Variants in FAM135B observed in about 807,000 individuals in gnomAD.
The protein encoded by FAM135B is protein FAM135B.
In FAM135B, 43 loss-of-function variants were observed where a neutral mutation model predicts 127.7. The observed-to-expected ratio is 0.34, with a 90% CI of 0.26 to 0.43. The LOEUF is 0.43. Among genes scored for constraint, FAM135B ranks in the 20% least tolerant of loss-of-function variants. The pLI, the probability that FAM135B is intolerant of heterozygous loss-of-function variation, is 1.00. For synonymous variants in FAM135B, 670 were observed against 665.1 expected, an observed-to-expected ratio of 1.01 and a Z score of -0.11; for missense variants, 1,558 against 1,725.6, an observed-to-expected ratio of 0.90 and a Z score of 1.72.
intron 7 of FAM135B, among the ~76,000 whole-genome samples, chr8:138,200,904 G>A (rs1817063056): frequency 6.6e-6 from 1 of 152,154 alleles, no homozygotes; most frequent in African/African-American, 2.4e-5. Context: ...TGAGTGACAT[G>A]TGCAAGGTCA....
intron 1 of FAM135B, among the ~76,000 whole-genome samples, chr8:138,465,053 G>A (rs996475809): frequency 2.6e-5 from 4 of 152,312 alleles, no homozygotes; most frequent in Non-Finnish European, 4.4e-5. Flanking sequence ...AAGAAAATTG[G>A]AGGCTGCTGT....
intron 1 of FAM135B, chr8:138,459,299 T>C (rs1255863472): frequency 6.6e-6 from 1 of 152,174 alleles, no homozygotes; most frequent in African/African-American, 2.4e-5. Context: ...GCCAAAATAC[T>C]ATGGGGGAAG....
chr8:138,413,664 G>A (rs192741402), intron 1 of FAM135B, among the ~76,000 whole-genome samples: 3 of 152,252 alleles, frequency 2.0e-5, no homozygotes, highest in South Asian at 2.1e-4. Context: ...CTTGAATGTC[G>A]TGCTGACAAT....
At chr8:138,477,505 CT>C (rs1814545277) in intron 1 of FAM135B, 1 of 152,202 alleles carries the variant, frequency 6.6e-6, no homozygotes, top group African/African-American at 2.4e-5. Context: ...TCATTATGAG[CT>C]GCTTGATCGT....
chr8:138,301,564 T>G (rs1337384300), intron 3 of FAM135B, among the ~76,000 whole-genome samples: 2 of 152,182 alleles, frequency 1.3e-5, no homozygotes, highest in African/African-American at 2.4e-5. Flanking sequence ...TCTTCAGATG[T>G]GGCTTTTCAT....
At chr8:138,153,314 T>C (rs7006618) in intron 12 of FAM135B, 98 bp from the exon 13 acceptor site, 686,169 of 999,950 alleles carry the variant, frequency 0.69, 236,642 homozygotes, top group East Asian at 0.79. Context: ...TTTAGCTATG[T>C]GGACTCGGTT....
Position 138,132,393 on chromosome 8 carries a change from T to C in FAM135B, c.*200A>G, listed in dbSNP as rs1479252199. 1 of 556,818 alleles carries C rather than the reference T, an allele frequency of 1.8e-6. No individual in the cohort carries two copies. Among genetic ancestry groups the C allele is most frequent in the Middle Eastern group, 4.8e-4 (1 of 2,080 alleles). The allele number at this position is 556,818 out of a possible 1,614,324, so 34.5% of individuals were successfully genotyped here. A position where few individuals can be genotyped will look rare whatever the true frequency, so the allele number is the denominator to read the frequency against. ...GGTAACTATACAAATTCAAGCAAAG[T>C]TTGTTGTCATTTAGTCTATTTGCTC... On this transcript the variant is annotated 3_prime_UTR_variant, in exon 20 of 20. Transcript: ENST00000395297. The surrounding 1 kb of genome is among the most constrained non-coding windows in gnomAD (Gnocchi z 4.5).
At chr8:138,256,139 T>TGCCAGCTCAGCCCAGGG (rs1554645672) in intron 5 of FAM135B, among the ~76,000 whole-genome samples, 1 of 151,720 alleles carries the variant, frequency 6.6e-6, no homozygotes. Context: ...TTAGTTGGCC[T>TGCCAGCTCAGCCCAGGG]GACAGCTCAG....
At chr8:138,481,709 T>C (rs769043129) in intron 1 of FAM135B, among the ~76,000 whole-genome samples, 2 of 152,196 alleles carry the variant, frequency 1.3e-5, no homozygotes, top group Non-Finnish European at 2.9e-5. Context: ...GCTCCTCCAC[T>C]CTATCATTTT....
At chr8:138,212,435 A>G (rs113983608) in intron 7 of FAM135B, among the ~76,000 whole-genome samples, 3 of 152,346 alleles carry the variant, frequency 2.0e-5, no homozygotes, top group African/African-American at 7.2e-5. Flanking sequence ...AGAGGGAAAA[A>G]GGAAATAAGA....
intron 2 of FAM135B, among the ~76,000 whole-genome samples, chr8:138,344,586 T>C (rs1249638169): frequency 6.7e-6 from 1 of 148,414 alleles, no homozygotes; most frequent in Non-Finnish European, 1.5e-5. Context: ...TCTTTTTTTT[T>C]TTTTTTTGTT....
chr8:138,228,978 C>T (rs1819695987), intron 7 of FAM135B, among the ~76,000 whole-genome samples: 1 of 152,126 alleles, frequency 6.6e-6, no homozygotes, highest in African/African-American at 2.4e-5. Flanking sequence ...AGCACAGCCG[C>T]TTTTGCATTG....
At chr8:138,249,256 C>T (rs1374506174) in intron 6 of FAM135B, among the ~76,000 whole-genome samples, 1 of 152,136 alleles carries the variant, frequency 6.6e-6, no homozygotes, top group East Asian at 1.9e-4. Flanking sequence ...GATGATAGTA[C>T]TCTCTGTTGC....
intron 1 of FAM135B, among the ~76,000 whole-genome samples, chr8:138,393,465 A>T (rs188898202): frequency 2.3e-4 from 35 of 151,928 alleles, no homozygotes; most frequent in Admixed American, 2.0e-3. Context: ...GAAAAAAAAA[A>T]AAAAAATTTA....
At chr8:138,316,933 C>T (rs6577915) in intron 2 of FAM135B, among the ~76,000 whole-genome samples, 148,617 of 151,446 alleles carry the variant, frequency 0.98, 72,971 homozygotes, top group East Asian at 1. Flanking sequence ...TGAGCCGTGA[C>T]CGCACCACTG....
intron 1 of FAM135B, among the ~76,000 whole-genome samples, chr8:138,394,315 A>C (rs117705187): frequency 0.014 from 2,143 of 152,246 alleles, 19 homozygotes; most frequent in South Asian, 0.032. Context: ...TCAAGTTTAC[A>C]TGTGGCAGGC....
intron 2 of FAM135B, among the ~76,000 whole-genome samples, chr8:138,340,184 T>C (rs186728063): frequency 1.4e-3 from 211 of 152,296 alleles, no homozygotes; most frequent in African/African-American, 4.4e-3. Flanking sequence ...CTCTGCACCC[T>C]GGATTTCTGA....
chr8:138,340,398 C>A (rs1828960974), intron 2 of FAM135B, among the ~76,000 whole-genome samples: 2 of 152,160 alleles, frequency 1.3e-5, no homozygotes, highest in African/African-American at 4.8e-5. Context: ...TCATGACTGC[C>A]CTGTTCACAT....
At chr8:138,410,293 G>T (rs1252864933) in intron 1 of FAM135B, among the ~76,000 whole-genome samples, 1 of 152,194 alleles carries the variant, frequency 6.6e-6, no homozygotes, top group Non-Finnish European at 1.5e-5. Flanking sequence ...TGTGTAGCAG[G>T]CTGCTTCTAA....
Sources: gnomAD v4.1 joint callset for allele counts (sites outside exome capture counted in the v4.1 genomes callset) on GRCh38, gnomAD v4.1.1 for gene constraint, Gnocchi (gnomAD v3.1) non-coding constraint, MANE v1.5 for transcripts, NCBI Gene and HGNC (gene_info 2026-07-23, HGNC 2026-07-21) for gene names.